Variants in RAB30 observed in about 807,000 individuals in gnomAD.
RAB30 encodes ras-related protein Rab-30.
In RAB30, 9 loss-of-function variants were observed where a neutral mutation model predicts 25.1. The observed-to-expected ratio is 0.36, with a 90% CI of 0.22 to 0.63. The LOEUF (loss-of-function observed/expected upper bound fraction) is 0.63. RAB30 is among the 20% of genes least tolerant of loss of function. The pLI is 0.69. For synonymous variants in RAB30, 77 were observed against 86.4 expected (o/e 0.89, Z 0.60); for missense variants, 140 against 243.5 (o/e 0.58, Z 2.83).
At chr11:83,043,344 G>A (rs1310376997) in intron 1 of RAB30, among the ~76,000 whole-genome samples, 2 of 152,158 alleles carry the variant, frequency 1.3e-5, no homozygotes, top group African/African-American at 4.8e-5. Flanking sequence ...GAGGTATAAA[G>A]GAGCCCAGTT....
intron 1 of RAB30, among the ~76,000 whole-genome samples, chr11:83,038,488 T>A (rs1365084315): frequency 6.6e-6 from 1 of 152,202 alleles, no homozygotes; most frequent in Non-Finnish European, 1.5e-5. Context: ...AGATGTTTAC[T>A]GTGAGGACCA....
intron 1 of RAB30, among the ~76,000 whole-genome samples, chr11:83,021,687 G>A (rs906563194): frequency 2.6e-5 from 4 of 152,198 alleles, no homozygotes; most frequent in Non-Finnish European, 4.4e-5. Flanking sequence ...CCGAGTGGGC[G>A]GAACAAGCCC....
At chr11:83,052,819 C>T (rs1317305137) in intron 1 of RAB30, among the ~76,000 whole-genome samples, 1 of 152,326 alleles carries the variant, frequency 6.6e-6, no homozygotes, top group East Asian at 1.9e-4. Flanking sequence ...CACTACAAAC[C>T]TAGCTGACCT....
At chr11:83,058,845 C>T (rs1590879857) in intron 1 of RAB30, among the ~76,000 whole-genome samples, 1 of 152,206 alleles carries the variant, frequency 6.6e-6, no homozygotes, top group South Asian at 2.1e-4. Flanking sequence ...CATGAAAATG[C>T]CATAACACAA....
At chr11:83,052,572 C>T (rs1215607486) in intron 1 of RAB30, among the ~76,000 whole-genome samples, 1 of 152,232 alleles carries the variant, frequency 6.6e-6, no homozygotes, top group East Asian at 1.9e-4. Flanking sequence ...GTCTGGCCTG[C>T]CTCCAAAGCC....
At chr11:82,988,380 C>T (rs1856782572) in intron 3 of RAB30, among the ~76,000 whole-genome samples, 1 of 152,176 alleles carries the variant, frequency 6.6e-6, no homozygotes, top group Non-Finnish European at 1.5e-5. Flanking sequence ...CCAACCTCAC[C>T]ACTTTTCCAG....
intron 3 of RAB30, among the ~76,000 whole-genome samples, chr11:82,993,453 G>A (rs1191618948): frequency 2.0e-5 from 3 of 152,206 alleles, no homozygotes; most frequent in Non-Finnish European, 2.9e-5. Flanking sequence ...CTGACAGATT[G>A]TAGGTACTCA....
chr11:83,016,908 G>C (rs1024936717), intron 1 of RAB30, among the ~76,000 whole-genome samples: 6 of 152,108 alleles, frequency 3.9e-5, no homozygotes, highest in African/African-American at 1.4e-4. Context: ...CATCTGGCTG[G>C]GGTCCTACTA....
chr11:82,990,614 T>A (rs17144464), intron 3 of RAB30, among the ~76,000 whole-genome samples: 1 of 152,214 alleles, frequency 6.6e-6, no homozygotes, highest in Non-Finnish European at 1.5e-5. Flanking sequence ...TCAACATAGA[T>A]CTGACTGGAA....
intron 3 of RAB30, among the ~76,000 whole-genome samples, chr11:82,990,934 T>C (rs748415902): frequency 1.1e-4 from 17 of 152,160 alleles, no homozygotes; most frequent in Non-Finnish European, 2.1e-4. Context: ...TTTTACTGAT[T>C]TGGCGCTTAC....
chr11:82,987,415 T>G, intron 4 of RAB30, 172 bp downstream of exon 4: 1 of 524,128 alleles, frequency 1.9e-6, no homozygotes, highest in Non-Finnish European at 3.1e-6. Context: ...ACTGTCACCA[T>G]GGGATAGGAC....
chr11:83,020,274 C>T (rs771569862), intron 1 of RAB30, among the ~76,000 whole-genome samples: 12 of 152,244 alleles, frequency 7.9e-5, no homozygotes, highest in Non-Finnish European at 1.6e-4. Context: ...GGTGCCTGCT[C>T]CCACTGCCTG....
intron 1 of RAB30, among the ~76,000 whole-genome samples, chr11:83,011,915 A>T (rs970274581): frequency 1.3e-5 from 2 of 152,112 alleles, no homozygotes; most frequent in African/African-American, 4.8e-5. Context: ...ATCACTATGG[A>T]CTTCTCTAGA....
intron 1 of RAB30, among the ~76,000 whole-genome samples, chr11:83,047,065 A>G (rs1858250690): frequency 6.6e-6 from 1 of 152,224 alleles, no homozygotes; most frequent in South Asian, 2.1e-4. Flanking sequence ...GAACTCAACT[A>G]CAATTTGCTA....
At position 82,979,358 on chromosome 11, in the gene RAB30, C is replaced by T. The variant is rs1004947789; in HGVS notation, c.*2807G>A. 5 of 152,190 alleles carry T rather than the reference C, an allele frequency of 3.3e-5. No individual in the cohort carries two copies. Among genetic ancestry groups the T allele is most frequent in the African/African-American group, 2.4e-5 (1 of 41,528 alleles). 9.4% of individuals were successfully genotyped at this position (152,190 alleles called of 1,614,324 possible). ...ATCAACCCTGGTGGTCTTAGTAGAC[C>T]GAGCCAAATTAAACTATATGATAAA... is the stretch of plus-strand genomic sequence containing the variant. On this transcript the variant is annotated 3_prime_UTR_variant, in exon 5 of 5. Coordinates refer to ENST00000527633, the MANE Select transcript of RAB30 (RefSeq NM_001286060.2).
chr11:83,046,452 C>T (rs931302211), intron 1 of RAB30, among the ~76,000 whole-genome samples: 1 of 152,034 alleles, frequency 6.6e-6, no homozygotes. Flanking sequence ...GGCTCATAGG[C>T]CAAATCCAGC....
chr11:82,978,952 T>G lies in RAB30; in HGVS notation c.*3213A>C, dbSNP rs1030020340. ...TCTTGCCACTTTACTCAGGGAGAGA[T>G]AAAAACGTGAAATGATTAAAAGACC... On this transcript the variant is annotated 3_prime_UTR_variant, in exon 5 of 5. Transcript: ENST00000527633. The G allele has an allele frequency of 3.3e-5, 5 of 151,942 alleles. No individual in the cohort carries two copies. Among genetic ancestry groups the G allele is most frequent in the Admixed American group, 2.6e-4 (4 of 15,254 alleles). 9.4% of individuals were successfully genotyped at this position (151,942 alleles called of 1,614,324 possible). A position where few individuals can be genotyped will look rare whatever the true frequency, so the allele number is the denominator to read the frequency against.
rs758804331 is a variant in RAB30, at chr11:82,994,165, C to T, written c.94-43G>A. ...GAAAAGAACAGCTAAGCAAATATTT[C>T]CATTAAATGAAATTTTCTCCTCTCC... On this transcript the variant is annotated intron_variant, in intron 2 of 4. Coordinates refer to ENST00000527633, the MANE Select transcript of RAB30 (RefSeq NM_001286060.2). 46 of 1,518,276 alleles carry T rather than the reference C, an allele frequency of 3.0e-5. 1 individual carries two copies. In the South Asian group the frequency reaches 4.7e-4, roughly 15 times the overall value. 94.1% of individuals were successfully genotyped at this position (1,518,276 alleles called of 1,614,324 possible).
At chr11:83,020,177 C>T (rs150398044) in intron 1 of RAB30, among the ~76,000 whole-genome samples, 169 of 152,382 alleles carry the variant, frequency 1.1e-3, no homozygotes, top group African/African-American at 3.7e-3. Flanking sequence ...GGCACAGCTA[C>T]AGCCACTCAA....
Sources: allele counts gnomAD v4.1 joint callset (sites outside exome capture counted in the v4.1 genomes callset), GRCh38; gene constraint gnomAD v4.1.1; transcripts MANE v1.5; gene names NCBI Gene and HGNC (gene_info 2026-07-23, HGNC 2026-07-21).